Variants in MAGI3 observed in about 807,000 individuals in gnomAD.
MAGI3 encodes membrane-associated guanylate kinase, WW and PDZ domain-containing protein 3.
MAGI3 carries 43 observed loss-of-function variants against 121.8 expected under a neutral mutation model. The observed-to-expected ratio is 0.35, with a 90% confidence interval of 0.28 to 0.46. MAGI3 has a LOEUF of 0.46. MAGI3 is among the 20% of genes least tolerant of loss of function. The pLI, the probability that MAGI3 is intolerant of heterozygous loss-of-function variation, is 1.00. For synonymous variants in MAGI3, 553 were observed against 639.3 expected (o/e 0.86, Z 2.04); for missense variants, 1,547 against 1,797.3 (o/e 0.86, Z 2.52).
At chr1:113,613,534 G>C (rs1275166763) in intron 6 of MAGI3, among the ~76,000 whole-genome samples, 1 of 152,110 alleles carries the variant, frequency 6.6e-6, no homozygotes, top group African/African-American at 2.4e-5. Flanking sequence ...TCATAACTGA[G>C]GCTAAATGAT....
chr1:113,516,390 C>CAAAAAAAAAAAAA (rs60186333), intron 1 of MAGI3, among the ~76,000 whole-genome samples: 2 of 70,994 alleles, frequency 2.8e-5, no homozygotes, highest in Admixed American at 1.9e-4. Flanking sequence ...GAAGTTCTCA[C>CAAAAAAAAAAAAA]AAAAAAAAAA....
chr1:113,580,754 T>C, intron 3 of MAGI3, 93 bp downstream of exon 3: 1 of 1,254,674 alleles, frequency 8.0e-7, no homozygotes, highest in Non-Finnish European at 1.0e-6. Context: ...GTACCACTTT[T>C]TGAAAAACTT....
chr1:113,624,331 A>T (rs1651083615), intron 9 of MAGI3, among the ~76,000 whole-genome samples: 1 of 152,192 alleles, frequency 6.6e-6, no homozygotes, highest in Non-Finnish European at 1.5e-5. Context: ...GCAACAGTGT[A>T]TGAGGGTTCC....
intron 2 of MAGI3, among the ~76,000 whole-genome samples, chr1:113,562,665 AC>A (rs1176958771): frequency 1.3e-5 from 2 of 152,218 alleles, no homozygotes; most frequent in Admixed American, 1.3e-4. Flanking sequence ...GTGGGGAACA[AC>A]ACACACTGGG....
intron 1 of MAGI3, among the ~76,000 whole-genome samples, chr1:113,455,294 CA>C (rs1435865263): frequency 3.3e-5 from 5 of 151,986 alleles, no homozygotes; most frequent in Non-Finnish European, 7.4e-5. Context: ...GACTGCTATG[CA>C]GAGTTGTGTG....
chr1:113,547,035 A>G (rs1659566716), intron 1 of MAGI3, among the ~76,000 whole-genome samples: 1 of 149,558 alleles, frequency 6.7e-6, no homozygotes, highest in South Asian at 2.1e-4. Flanking sequence ...GTGAGCCAAG[A>G]TTGTGCCACT....
chr1:113,673,601 A>G, intron 19 of MAGI3, 136 bp downstream of exon 19: 1 of 927,140 alleles, frequency 1.1e-6, no homozygotes, highest in East Asian at 2.6e-5. Context: ...TGGTAGCTAA[A>G]AAAGGCAAAT....
At chr1:113,399,114 AT>A (rs1331641333) in intron 1 of MAGI3, among the ~76,000 whole-genome samples, 1 of 145,834 alleles carries the variant, frequency 6.9e-6, no homozygotes, top group Non-Finnish European at 1.5e-5. Flanking sequence ...TCTGGGTTGG[AT>A]TTTTTCTCAG....
At chr1:113,449,155 G>A (rs920179550) in intron 1 of MAGI3, among the ~76,000 whole-genome samples, 1 of 151,986 alleles carries the variant, frequency 6.6e-6, no homozygotes, top group Non-Finnish European at 1.5e-5. Context: ...ATATCAGGGG[G>A]CAATAATGTG....
intron 1 of MAGI3, among the ~76,000 whole-genome samples, chr1:113,546,525 TG>T (rs1357980499): frequency 1.3e-5 from 2 of 151,774 alleles, no homozygotes; most frequent in Non-Finnish European, 2.9e-5. Flanking sequence ...TTAGTAGAGA[TG>T]GGGTTTAATC....
intron 2 of MAGI3, among the ~76,000 whole-genome samples, chr1:113,577,622 G>GA (rs1049937525): frequency 1.1e-4 from 16 of 152,172 alleles, no homozygotes; most frequent in African/African-American, 3.4e-4. Context: ...TGGGGGGAGT[G>GA]AAAATTTATA....
chr1:113,580,734 G>C (rs1647969267), intron 3 of MAGI3, 73 bp downstream of exon 3: 2 of 1,393,894 alleles, frequency 1.4e-6, no homozygotes, highest in Non-Finnish European at 1.9e-6. Context: ...GAGGGAATTT[G>C]ACCAGTAAAG....
intron 6 of MAGI3, among the ~76,000 whole-genome samples, chr1:113,603,208 A>G (rs1649514996): frequency 6.6e-6 from 1 of 152,188 alleles, no homozygotes; most frequent in Non-Finnish European, 1.5e-5. Flanking sequence ...AATAAGTGAA[A>G]TTGAAACTGT....
rs533773505 is a variant in MAGI3 at position 113,481,191 on chromosome 1, T to C, written c.317-68324T>C. 2.0e-5 allele frequency among the ~76,000 whole-genome samples: 3 copies of C among 152,336 alleles called. No individual in the cohort carries two copies. In the South Asian group the frequency reaches 6.2e-4, roughly 32 times the overall value. ...AAATTTCCTGCCATTTAGTAATGCA[T>C]ATTGCTTTTCTAGAATTATGCATCT... On this transcript the variant is annotated intron_variant, in intron 1 of 20. Transcript: ENST00000307546.
At position 113,646,489 on chromosome 1, in the gene MAGI3, A is replaced by C. The variant is rs1393955148; in HGVS notation, c.2002A>C (p.Thr668Pro). The change falls in exon 12 of 21, where the codon ACA becomes CCA. Residue 668 changes from threonine (T) to proline (P), a missense_variant. Coordinates refer to ENST00000307546, the MANE Select transcript of MAGI3 (RefSeq NM_001142782.2). ...PSPTKTAKMK[T>P]DKKENAGSLE... The stretch of plus-strand genomic sequence containing the variant: ...GTAAGGCTCTTTTCCATTTCAGAAA[A>C]CAGATAAAAAGGAAAATGCAGGAAG... 8 of 1,589,256 alleles carry C rather than the reference A, an allele frequency of 5.0e-6. No individual in the cohort carries two copies. In the African/African-American group the frequency reaches 9.6e-5, roughly 19 times the overall value.
At chr1:113,512,828 G>T (rs968582299) in intron 1 of MAGI3, among the ~76,000 whole-genome samples, 24 of 152,194 alleles carry the variant, frequency 1.6e-4, no homozygotes, top group Admixed American at 1.3e-4. Context: ...AAAAGAGGAA[G>T]TCAAATTGTC....
At chr1:113,404,402 T>G (rs1651566837) in intron 1 of MAGI3, 1 of 152,188 alleles carries the variant, frequency 6.6e-6, no homozygotes, top group Non-Finnish European at 1.5e-5. Flanking sequence ...AACAGCCATT[T>G]TTAAGAATTA....
chr1:113,433,380 A>T (rs549033028), intron 1 of MAGI3, among the ~76,000 whole-genome samples: 1 of 152,312 alleles, frequency 6.6e-6, no homozygotes, highest in South Asian at 2.1e-4. Flanking sequence ...TGTACTCCTG[A>T]GTCATTAAAT....
At chr1:113,618,539 C>T in intron 7 of MAGI3, 1 of 449,432 alleles carries the variant, frequency 2.2e-6, no homozygotes, top group South Asian at 1.6e-5. Flanking sequence ...GAGTTTCACT[C>T]TTGTCGCCCA....
Sources: allele counts gnomAD v4.1 joint callset (sites outside exome capture counted in the v4.1 genomes callset), GRCh38; gene constraint gnomAD v4.1.1; transcripts MANE v1.5; gene names NCBI Gene and HGNC (gene_info 2026-07-23, HGNC 2026-07-21).